The following KDM4A variants were observed in gnomAD, a reference collection of about 807,000 sequenced individuals.
KDM4A encodes the protein lysine demethylase 4A.
KDM4A carries 23 observed loss-of-function variants against 127.1 expected under a neutral mutation model. That is an observed-to-expected ratio of 0.18 (90% CI 0.13 to 0.26). KDM4A has a LOEUF of 0.26. Among genes scored for constraint, KDM4A ranks in the 10% least tolerant of loss-of-function variants. The pLI, the probability that KDM4A is intolerant of heterozygous loss-of-function variation, is 1.00. For synonymous variants in KDM4A, 443 were observed against 466.5 expected, an observed-to-expected ratio of 0.95 and a Z score of 0.65; for missense variants, 890 against 1,329.1, an observed-to-expected ratio of 0.67 and a Z score of 5.14.
At position 43,660,388 on chromosome 1, in the gene KDM4A, T is replaced by C. The variant is rs767144426; in HGVS notation, c.405T>C (p.Asp135=). ...LTFNPPIYGA[D]VNGTLYEKHV... ...TCAATCCTCCAATCTATGGTGCAGA[T>C]GTGAATGGTACCCTCTATGAAAAGG... Residue 135 remains aspartate, a synonymous_variant, in exon 4 of 22, where the codon GAT becomes GAC. Coordinates refer to ENST00000372396, the MANE Select transcript of KDM4A (RefSeq NM_014663.3). The C allele has an allele frequency of 3.7e-6, 6 of 1,608,056 alleles. No homozygotes were observed. In the African/African-American group the frequency reaches 4.0e-5, roughly 11 times the overall value.
chr1:43,701,629 A>G (rs564847164), intron 19 of KDM4A, among the ~76,000 whole-genome samples: 2 of 152,226 alleles, frequency 1.3e-5, no homozygotes, highest in South Asian at 4.1e-4. Flanking sequence ...CTGGGACTAT[A>G]GGCGTGTGCC....
chr1:43,690,641 C>G, intron 13 of KDM4A: 1 of 613,072 alleles, frequency 1.6e-6, no homozygotes, highest in Admixed American at 2.8e-5. Flanking sequence ...CCCTAGGGGC[C>G]TTTGTATGAT....
chr1:43,694,160 A>G lies in KDM4A; in HGVS notation c.2484+58A>G. 7.4e-7 allele frequency: 1 copy of G among 1,355,020 alleles called. No homozygotes were observed. Among genetic ancestry groups the G allele is most frequent in the Non-Finnish European group, 1.0e-6 (1 of 957,562 alleles). The allele number at this position is 1,355,020 out of a possible 1,614,324, so 83.9% of individuals were successfully genotyped here. On this transcript the variant is annotated intron_variant, in intron 17 of 21. Transcript: ENST00000372396. The surrounding 1 kb of genome is among the most constrained non-coding windows in gnomAD (Gnocchi z 5.2). ...ACTTACAAGTTTCTGGGTAGAAGAG[A>G]ACAGGGACCTCCTGTACCCCTTGGT...
intron 5 of KDM4A, among the ~76,000 whole-genome samples, chr1:43,663,812 A>T (rs114529546): frequency 0.041 from 6,212 of 150,924 alleles, 404 homozygotes; most frequent in African/African-American, 0.14. Context: ...CTTTTTTTTT[A>T]GGGTAGAGAT....
intron 7 of KDM4A, 117 bp from the exon 8 acceptor site, chr1:43,666,837 C>T (rs1246836893): frequency 3.0e-6 from 3 of 1,002,320 alleles, no homozygotes; most frequent in Non-Finnish European, 4.6e-6. Flanking sequence ...CAGCAAGGAC[C>T]CCAGGGGTTT....
intron 5 of KDM4A, among the ~76,000 whole-genome samples, chr1:43,664,666 A>G (rs1395430473): frequency 6.6e-6 from 1 of 152,128 alleles, no homozygotes; most frequent in East Asian, 1.9e-4. Flanking sequence ...TTTTGAGCCT[A>G]TGATTATCTC....
In KDM4A at chr1:43,704,220, TC is replaced by T; in HGVS notation, c.3055-9del. 6.2e-7 allele frequency: 1 copy of T among 1,613,928 alleles called. No homozygotes were observed. The highest frequency in any genetic ancestry group is 1.7e-5 in the Admixed American group (1 of 59,958). ...GGTAGCTGACACTTGGCTTGCTTATTCTTCTATAGTCAGTAGCCTCAGACAT... is the reference window on the plus strand; with the variant it reads ...GGTAGCTGACACTTGGCTTGCTTATTTTCTATAGTCAGTAGCCTCAGACAT... On this transcript the variant is annotated splice_polypyrimidine_tract_variant and intron_variant, in intron 21 of 21. Coordinates refer to ENST00000372396, the MANE Select transcript of KDM4A (RefSeq NM_014663.3).
intron 19 of KDM4A, among the ~76,000 whole-genome samples, chr1:43,701,228 T>C (rs1316124004): frequency 6.6e-6 from 1 of 152,198 alleles, no homozygotes; most frequent in Non-Finnish European, 1.5e-5. Context: ...CATAAATATT[T>C]TAAAAATTAC....
rs1557916988 is a variant in KDM4A, at chr1:43,688,871, G to A, written c.1856-43G>A. On this transcript the variant is annotated intron_variant, in intron 12 of 21. Transcript: ENST00000372396. The surrounding 1 kb of genome is among the most constrained non-coding windows in gnomAD (Gnocchi z 4.4). ...CTGTTCTCCAGGCAGAGCCACAGAT[G>A]TGCAGGGTTAGTGCTGACTCACACT... The A allele has an allele frequency of 4.4e-6, 7 of 1,573,446 alleles. No homozygotes were observed. The highest frequency in any genetic ancestry group is 3.4e-5 in the Admixed American group (2 of 58,548).
intron 10 of KDM4A, 80 bp downstream of exon 10, chr1:43,669,379 C>T: frequency 7.1e-7 from 1 of 1,414,508 alleles, no homozygotes; most frequent in Non-Finnish European, 1.0e-6. Context: ...AGTGCTGGGT[C>T]AGAAATAAAA....
intron 19 of KDM4A, chr1:43,702,204 G>A (rs1006211051): frequency 2.0e-5 from 3 of 152,200 alleles, no homozygotes; most frequent in Non-Finnish European, 4.4e-5. Context: ...GAACCCCTCA[G>A]AGGTTCACAG....
intron 6 of KDM4A, among the ~76,000 whole-genome samples, chr1:43,665,965 T>C (rs917044941): frequency 6.6e-6 from 1 of 152,224 alleles, no homozygotes; most frequent in African/African-American, 2.4e-5. Context: ...CAGGGGTGTT[T>C]CTTTGACCAG....
chr1:43,698,357 T>C (rs1187758165), intron 19 of KDM4A, among the ~76,000 whole-genome samples: 3 of 152,230 alleles, frequency 2.0e-5, no homozygotes, highest in African/African-American at 7.2e-5. Flanking sequence ...CATTGCCTAG[T>C]AGCTGTGTGA....
chr1:43,668,765 A>G (rs1183532375), intron 9 of KDM4A, among the ~76,000 whole-genome samples: 1 of 152,074 alleles, frequency 6.6e-6, no homozygotes, highest in Non-Finnish European at 1.5e-5. Flanking sequence ...CTCTGAGGAG[A>G]ATTTATCCTG....
chr1:43,677,206 G>T (rs756400509), intron 11 of KDM4A, among the ~76,000 whole-genome samples: 15 of 152,068 alleles, frequency 9.9e-5, no homozygotes, highest in Non-Finnish European at 1.9e-4. Context: ...TTAGCCAGGC[G>T]TGTTGGCGGG....
intron 11 of KDM4A, among the ~76,000 whole-genome samples, chr1:43,672,581 G>A (rs1287038724): frequency 1.3e-5 from 2 of 151,016 alleles, no homozygotes; most frequent in Admixed American, 1.3e-4. Flanking sequence ...TGCAAGCTCC[G>A]CCTCCTGGGT....
chr1:43,651,102 A>G (rs1660105298), intron 1 of KDM4A, among the ~76,000 whole-genome samples: 1 of 152,272 alleles, frequency 6.6e-6, no homozygotes, highest in Admixed American at 6.5e-5. Context: ...GATGAAGCCC[A>G]TTAGGGCCCC....
intron 4 of KDM4A, among the ~76,000 whole-genome samples, chr1:43,661,411 A>G (rs1212639238): frequency 6.6e-6 from 1 of 151,366 alleles, no homozygotes; most frequent in East Asian, 2.0e-4. Flanking sequence ...GATTGAGACC[A>G]CTCTGGCTGA....
chr1:43,674,033 C>T (rs1660685684), intron 11 of KDM4A, among the ~76,000 whole-genome samples: 1 of 152,210 alleles, frequency 6.6e-6, no homozygotes, highest in Non-Finnish European at 1.5e-5. Flanking sequence ...CTTCTGCCTT[C>T]TGGGTTCAAC....
Sources: allele counts gnomAD v4.1 joint callset (sites outside exome capture counted in the v4.1 genomes callset), GRCh38; gene constraint gnomAD v4.1.1; non-coding constraint Gnocchi (gnomAD v3.1); transcripts MANE v1.5; gene names NCBI Gene and HGNC (gene_info 2026-07-23, HGNC 2026-07-21).